CPA6: variants seen among roughly 807,000 people sequenced by gnomAD.
CPA6 encodes carboxypeptidase B.
A neutral mutation model predicts 63.3 loss-of-function variants in CPA6; 58 were observed. That is an observed-to-expected ratio of 0.92 (90% confidence interval 0.74 to 1.14). The LOEUF (loss-of-function observed/expected upper bound fraction) is 1.14, where lower values mean the gene tolerates loss of function less well. CPA6 is among the 50% of genes most tolerant of loss of function. The pLI is 0.00. For missense variants in CPA6, 565 were observed against 526.6 expected (o/e 1.07, Z -0.71); for synonymous variants, 185 against 179.0 (o/e 1.03, Z -0.27).
At chr8:67,536,209 G>A (rs1326612531) in intron 2 of CPA6, among the ~76,000 whole-genome samples, 2 of 152,112 alleles carry the variant, frequency 1.3e-5, no homozygotes, top group Non-Finnish European at 2.9e-5. Flanking sequence ...GAAATTTAAA[G>A]TAGTTTTATC....
intron 10 of CPA6, among the ~76,000 whole-genome samples, 169 bp from the exon 11 acceptor site, chr8:67,422,860 G>A (rs1809798640): frequency 6.6e-6 from 1 of 152,268 alleles, no homozygotes. Flanking sequence ...TCTGGTGCAT[G>A]GAACTTATAA....
At chr8:67,592,686 T>C (rs1009685743) in intron 2 of CPA6, among the ~76,000 whole-genome samples, 3 of 152,158 alleles carry the variant, frequency 2.0e-5, no homozygotes, top group African/African-American at 7.2e-5. Context: ...GAGGTGTTTG[T>C]AGTATTCTCT....
intron 8 of CPA6, among the ~76,000 whole-genome samples, chr8:67,442,638 T>C (rs1394813317): frequency 6.6e-6 from 1 of 152,170 alleles, no homozygotes; most frequent in Non-Finnish European, 1.5e-5. Context: ...GAGTGGTAAT[T>C]AGGAACTAGT....
chr8:67,737,372 T>G (rs1169987002), intron 1 of CPA6, among the ~76,000 whole-genome samples: 2 of 152,234 alleles, frequency 1.3e-5, no homozygotes, highest in African/African-American at 4.8e-5. Context: ...ATCAGGACAA[T>G]GTCCTTTCAA....
At chr8:67,562,528 G>T (rs1383244648) in intron 2 of CPA6, among the ~76,000 whole-genome samples, 2 of 152,140 alleles carry the variant, frequency 1.3e-5, no homozygotes, top group Non-Finnish European at 2.9e-5. Flanking sequence ...ACGTACAGTT[G>T]GTACTATGTC....
intron 1 of CPA6, among the ~76,000 whole-genome samples, chr8:67,664,236 C>T (rs982744367): frequency 7.2e-5 from 11 of 151,958 alleles, no homozygotes; most frequent in African/African-American, 2.2e-4. Context: ...GACTTTGATT[C>T]GATGGTTCAG....
At chr8:67,576,223 G>T (rs527895874) in intron 2 of CPA6, among the ~76,000 whole-genome samples, 5 of 152,042 alleles carry the variant, frequency 3.3e-5, no homozygotes, top group African/African-American at 4.8e-5. Context: ...TGAGGTGATG[G>T]ATAAGTTTAT....
intron 10 of CPA6, among the ~76,000 whole-genome samples, chr8:67,424,313 C>A (rs1435485176): frequency 6.6e-6 from 1 of 152,140 alleles, no homozygotes; most frequent in Non-Finnish European, 1.5e-5. Context: ...CCCACCCCAC[C>A]CCTGTCCGTG....
intron 2 of CPA6, among the ~76,000 whole-genome samples, chr8:67,572,228 T>A (rs1000158235): frequency 2.6e-5 from 4 of 152,212 alleles, no homozygotes; most frequent in African/African-American, 9.6e-5. Flanking sequence ...TTGTTTATTC[T>A]CACCAAAACT....
intron 1 of CPA6, among the ~76,000 whole-genome samples, chr8:67,679,673 G>A (rs917902780): frequency 6.6e-6 from 1 of 152,170 alleles, no homozygotes; most frequent in Non-Finnish European, 1.5e-5. Flanking sequence ...TAGGTGCATA[G>A]GAAGCCATAA....
intron 6 of CPA6, among the ~76,000 whole-genome samples, chr8:67,492,784 G>A (rs60962675): frequency 0.021 from 3,251 of 152,088 alleles, 115 homozygotes; most frequent in African/African-American, 0.073. Flanking sequence ...ATTAGGTAGC[G>A]GAGTACAACT....
intron 1 of CPA6, among the ~76,000 whole-genome samples, chr8:67,730,061 C>A (rs1049889517): frequency 1.3e-5 from 2 of 152,230 alleles, no homozygotes; most frequent in Non-Finnish European, 2.9e-5. Flanking sequence ...TTCTCTCACA[C>A]CAGCTGGATG....
chr8:67,527,977 C>G (rs1345180437), intron 2 of CPA6, among the ~76,000 whole-genome samples: 1 of 152,160 alleles, frequency 6.6e-6, no homozygotes, highest in Admixed American at 6.5e-5. Context: ...TGTCTCTCAG[C>G]TGTCTGTGAG....
intron 6 of CPA6, among the ~76,000 whole-genome samples, chr8:67,486,260 A>T (rs1429258770): frequency 6.6e-6 from 1 of 152,260 alleles, no homozygotes; most frequent in Non-Finnish European, 1.5e-5. Flanking sequence ...GTCATACACT[A>T]TATAACTATG....
At chr8:67,732,839 G>A (rs528117017) in intron 1 of CPA6, among the ~76,000 whole-genome samples, 2 of 152,224 alleles carry the variant, frequency 1.3e-5, no homozygotes, top group African/African-American at 4.8e-5. Flanking sequence ...GCGAGTGACT[G>A]TTCCATCGAC....
chr8:67,692,605 T>C (rs902582124), intron 1 of CPA6, among the ~76,000 whole-genome samples: 1 of 152,240 alleles, frequency 6.6e-6, no homozygotes, highest in South Asian at 2.1e-4. Context: ...GTAAATCATG[T>C]CTTCCTAAGC....
At chr8:67,673,353 TTTATTATTA>T (rs71253021) in intron 1 of CPA6, among the ~76,000 whole-genome samples, 12 of 140,100 alleles carry the variant, frequency 8.6e-5, no homozygotes, top group South Asian at 4.5e-4. Context: ...TCTCTTTCAA[TTTATTATTA>T]TTATTATTAT....
chr8:67,450,997 A>G (rs1258185484), intron 8 of CPA6, among the ~76,000 whole-genome samples: 1 of 152,166 alleles, frequency 6.6e-6, no homozygotes, highest in East Asian at 1.9e-4. Flanking sequence ...TCTCCTTTAG[A>G]GGGTGAGCTC....
At chr8:67,657,683 G>A (rs1228860537) in intron 1 of CPA6, among the ~76,000 whole-genome samples, 1 of 152,146 alleles carries the variant, frequency 6.6e-6, no homozygotes, top group African/African-American at 2.4e-5. Context: ...ACTACTTTTT[G>A]TAGGTAGAAT....
Sources: gnomAD v4.1 joint callset for allele counts (sites outside exome capture counted in the v4.1 genomes callset) on GRCh38, gnomAD v4.1.1 for gene constraint, MANE v1.5 for transcripts, NCBI Gene and HGNC (gene_info 2026-07-23, HGNC 2026-07-21) for gene names.